Variants in ANO3 observed in about 807,000 individuals in gnomAD.
The protein encoded by ANO3 is anoctamin-3.
Under a neutral mutation model 144.8 loss-of-function variants are expected in ANO3, and 99 were observed. The ratio of observed to expected loss-of-function variants is 0.68; its 90% CI spans 0.58 to 0.81. ANO3 has a LOEUF of 0.81. Among genes scored for constraint, ANO3 ranks in the 30% least tolerant of loss-of-function variants. The pLI, the probability that ANO3 is intolerant of heterozygous loss-of-function variation, is 0.00. For synonymous variants in ANO3, 414 were observed against 392.6 expected (o/e 1.05, Z -0.64); for missense variants, 905 against 1,202.2 (o/e 0.75, Z 3.66).
At chr11:26,335,416 C>A (rs571782919) in intron 1 of ANO3, among the ~76,000 whole-genome samples, 2 of 151,870 alleles carry the variant, frequency 1.3e-5, no homozygotes, top group African/African-American at 4.8e-5. Flanking sequence ...TCTTTTGCAT[C>A]ACGCAGCTTT....
At chr11:26,576,682 A>T (rs72877823) in intron 14 of ANO3, among the ~76,000 whole-genome samples, 11,545 of 152,218 alleles carry the variant, frequency 0.076, 556 homozygotes, top group Middle Eastern at 0.11. Flanking sequence ...ACTTATTGCC[A>T]TCTAACATAC....
At chr11:26,237,238 T>C (rs1202364006) in intron 1 of ANO3, among the ~76,000 whole-genome samples, 8 of 152,240 alleles carry the variant, frequency 5.3e-5, no homozygotes. Flanking sequence ...CCTACTAAAT[T>C]TTTACAACCT....
intron 4 of ANO3, among the ~76,000 whole-genome samples, chr11:26,489,105 C>T (rs772263515): frequency 2.6e-5 from 4 of 152,188 alleles, no homozygotes; most frequent in African/African-American, 9.7e-5. Context: ...ATCACAGGCC[C>T]GGAGGCCCAG....
chr11:26,588,073 A>C (rs7105666), intron 14 of ANO3, among the ~76,000 whole-genome samples: 1,975 of 152,258 alleles, frequency 0.013, 45 homozygotes, highest in African/African-American at 0.045. Context: ...TATAATTTGC[A>C]TAAGAGTGAA....
intron 1 of ANO3, among the ~76,000 whole-genome samples, chr11:26,290,932 G>C (rs948798764): frequency 6.6e-6 from 1 of 152,164 alleles, no homozygotes; most frequent in African/African-American, 2.4e-5. Flanking sequence ...AGGTCCACTT[G>C]GTGCAGAGCT....
chr11:26,439,237 G>A (rs781109208), intron 1 of ANO3, among the ~76,000 whole-genome samples: 1 of 152,144 alleles, frequency 6.6e-6, no homozygotes, highest in Non-Finnish European at 1.5e-5. Context: ...AAACATAGGA[G>A]TAAATCTTCA....
At chr11:26,449,817 C>T (rs552262419) in intron 3 of ANO3, among the ~76,000 whole-genome samples, 5 of 151,798 alleles carry the variant, frequency 3.3e-5, no homozygotes, top group Non-Finnish European at 7.4e-5. Flanking sequence ...AGTGCAGTGG[C>T]ACGATCTCGG....
At chr11:26,494,533 T>C (rs983098633) in intron 4 of ANO3, among the ~76,000 whole-genome samples, 1 of 152,206 alleles carries the variant, frequency 6.6e-6, no homozygotes, top group African/African-American at 2.4e-5. Context: ...TAAAGAAATA[T>C]GAATGCTTCC....
chr11:26,501,097 C>T (rs1221429916), intron 4 of ANO3, among the ~76,000 whole-genome samples: 1 of 152,134 alleles, frequency 6.6e-6, no homozygotes, highest in Non-Finnish European at 1.5e-5. Context: ...TTAACAGATT[C>T]AGTAGGATAG....
chr11:26,646,961 T>A (rs6484234), intron 23 of ANO3, among the ~76,000 whole-genome samples: 99,798 of 151,984 alleles, frequency 0.66, 34,231 homozygotes, highest in East Asian at 0.82. Context: ...AATGTAGTAC[T>A]TCATAAAAAT....
At chr11:26,533,560 A>T (rs1195826816) in intron 8 of ANO3, among the ~76,000 whole-genome samples, 1 of 152,118 alleles carries the variant, frequency 6.6e-6, no homozygotes, top group Non-Finnish European at 1.5e-5. Context: ...TGTAGAGGAA[A>T]GCTGTTGGCA....
intron 1 of ANO3, among the ~76,000 whole-genome samples, chr11:26,404,402 A>G (rs1417867163): frequency 1.3e-5 from 2 of 151,970 alleles, no homozygotes; most frequent in African/African-American, 4.8e-5. Context: ...TTGGAAAACT[A>G]CTGCTTCCTG....
intron 4 of ANO3, among the ~76,000 whole-genome samples, chr11:26,483,166 A>G (rs1327781429): frequency 6.6e-6 from 1 of 152,140 alleles, no homozygotes; most frequent in Non-Finnish European, 1.5e-5. Context: ...TACAGGTAGT[A>G]TTAATTTACA....
At chr11:26,420,579 C>G (rs2126183) in intron 1 of ANO3, among the ~76,000 whole-genome samples, 1 of 151,810 alleles carries the variant, frequency 6.6e-6, no homozygotes, top group Non-Finnish European at 1.5e-5. Flanking sequence ...CTGTCTGTGC[C>G]GGTCTATTGT....
chr11:26,319,048 C>T (rs1188964612), intron 1 of ANO3, among the ~76,000 whole-genome samples: 1 of 152,046 alleles, frequency 6.6e-6, no homozygotes, highest in Non-Finnish European at 1.5e-5. Flanking sequence ...AGGGCCACGG[C>T]TCACTGTAGC....
At chr11:26,294,493 T>C (rs1048713378) in intron 1 of ANO3, among the ~76,000 whole-genome samples, 1 of 152,198 alleles carries the variant, frequency 6.6e-6, no homozygotes, top group Non-Finnish European at 1.5e-5. Context: ...AATGCCTATA[T>C]AGAACAATAG....
At chr11:26,315,948 T>C (rs1044593377) in intron 1 of ANO3, among the ~76,000 whole-genome samples, 2 of 152,164 alleles carry the variant, frequency 1.3e-5, no homozygotes, top group Non-Finnish European at 2.9e-5. Flanking sequence ...AATTAATTAA[T>C]TATGCCAATT....
intron 4 of ANO3, among the ~76,000 whole-genome samples, chr11:26,497,057 T>G (rs993731661): frequency 4.7e-5 from 7 of 149,772 alleles, no homozygotes; most frequent in Non-Finnish European, 4.4e-5. Context: ...CTACATTTTC[T>G]CTCTCTATAT....
intron 1 of ANO3, among the ~76,000 whole-genome samples, chr11:26,430,246 C>CAAA (rs752637742): frequency 2.5e-4 from 17 of 67,786 alleles, no homozygotes; most frequent in African/African-American, 6.6e-4. Flanking sequence ...AAGCAACTGT[C>CAAA]TAAAAAAAAA....
Sources: allele counts gnomAD v4.1 joint callset (sites outside exome capture counted in the v4.1 genomes callset), GRCh38; gene constraint gnomAD v4.1.1; transcripts MANE v1.5; gene names NCBI Gene and HGNC (gene_info 2026-07-23, HGNC 2026-07-21).